Variants in RASAL2 observed in about 807,000 individuals in gnomAD.
RASAL2 encodes ras GTPase-activating protein nGAP.
In RASAL2, 58 loss-of-function variants were observed where a neutral mutation model predicts 128.9. That is an observed-to-expected ratio of 0.45 (90% CI 0.36 to 0.56). RASAL2 has a LOEUF of 0.56. Ranked by LOEUF, RASAL2 falls within the 20% of genes least tolerant of loss-of-function variation. RASAL2 has a pLI of 0.00. For missense variants in RASAL2, 1,360 were observed against 1,601.6 expected, an observed-to-expected ratio of 0.85 and a Z score of 2.57; for synonymous variants, 561 against 580.8, an observed-to-expected ratio of 0.97 and a Z score of 0.49.
chr1:178,428,868 C>G (rs528974819), intron 5 of RASAL2, among the ~76,000 whole-genome samples: 79 of 152,240 alleles, frequency 5.2e-4, no homozygotes, highest in African/African-American at 1.7e-3. Context: ...ACTTACTTCT[C>G]TCCTCATCTG....
intron 2 of RASAL2, among the ~76,000 whole-genome samples, chr1:178,292,410 G>T (rs1160880991): frequency 6.6e-6 from 1 of 152,172 alleles, no homozygotes; most frequent in Non-Finnish European, 1.5e-5. Context: ...TACATGGGAA[G>T]AGTGTTAAAT....
chr1:178,134,417 C>A (rs1054514361), intron 1 of RASAL2, among the ~76,000 whole-genome samples: 2 of 141,114 alleles, frequency 1.4e-5, no homozygotes, highest in Admixed American at 1.5e-4. Context: ...GTGATCGTGG[C>A]ATGGCACCCC....
intron 1 of RASAL2, among the ~76,000 whole-genome samples, chr1:178,230,419 T>C (rs1016206141): frequency 1.3e-5 from 2 of 152,240 alleles, no homozygotes; most frequent in Non-Finnish European, 2.9e-5. Context: ...TTACCAATCA[T>C]GAGAGTTCTG....
intron 14 of RASAL2, among the ~76,000 whole-genome samples, chr1:178,460,046 G>A (rs1678068868): frequency 6.6e-6 from 1 of 152,098 alleles, no homozygotes; most frequent in Admixed American, 6.5e-5. Flanking sequence ...TTCTAGTTGC[G>A]ATCAACTACT....
chr1:178,456,608 C>A (rs1677790739), intron 12 of RASAL2, 113 bp from the exon 13 acceptor site: 2 of 1,121,408 alleles, frequency 1.8e-6, no homozygotes, highest in Non-Finnish European at 2.7e-6. Flanking sequence ...CAAACACTTA[C>A]CCTTCCCTCC....
chr1:178,313,489 A>AT (rs567555813), intron 3 of RASAL2, among the ~76,000 whole-genome samples: 6,195 of 144,998 alleles, frequency 0.043, 160 homozygotes, highest in Non-Finnish European at 0.066. Flanking sequence ...CTGTGTGCAC[A>AT]TTTTTTTTTT....
chr1:178,336,155 A>T (rs1181025488), intron 3 of RASAL2, among the ~76,000 whole-genome samples: 1 of 150,946 alleles, frequency 6.6e-6, no homozygotes, highest in Non-Finnish European at 1.5e-5. Context: ...CTGTTTTCCT[A>T]GGAAATCGCT....
Position 178,473,166 on chromosome 1 carries a change from A to G in RASAL2, c.3770A>G (p.Asn1257Ser), listed in dbSNP as rs760484905. The G allele has an allele frequency of 2.0e-5, 32 of 1,614,104 alleles. No homozygotes were observed. Among genetic ancestry groups the G allele is most frequent in the Non-Finnish European group, 2.3e-5 (27 of 1,180,044 alleles). ...GAGCGGTACAGCATGCAGGTCCGCA[A>G]TGGCATCTCCCCCACCAACCCCACC... is the stretch of plus-strand genomic sequence containing the variant. The part of the protein sequence containing the change: ...VKERYSMQVR[N>S]GISPTNPTKL... Residue 1257 changes from asparagine (N) to serine (S), a missense_variant, in exon 18 of 18, where the codon AAT becomes AGT. Coordinates refer to ENST00000367649, the MANE Select transcript of RASAL2 (RefSeq NM_170692.4).
intron 3 of RASAL2, among the ~76,000 whole-genome samples, chr1:178,356,697 A>G (rs1309584834): frequency 6.6e-6 from 1 of 152,228 alleles, no homozygotes; most frequent in Non-Finnish European, 1.5e-5. Context: ...TACCCCGGAA[A>G]TAGGTATAGT....
At position 178,094,682 on chromosome 1, in the gene RASAL2, G is replaced by C; in HGVS notation, c.190G>C (p.Val64Leu). The C allele has an allele frequency of 6.2e-7, 1 of 1,614,118 alleles. No homozygotes were observed. Among genetic ancestry groups the C allele is most frequent in the Non-Finnish European group, 8.5e-7 (1 of 1,180,046 alleles). The change falls in exon 1 of 18, where the codon GTC (valine) becomes CTC (leucine). Residue 64 changes from valine (V) to leucine (L), a missense_variant. Around this residue, in one of 3 missense-constraint regions of RASAL2, gnomAD observed 617 missense variants for 714.2 expected, o/e 0.86. Coordinates refer to ENST00000367649, the MANE Select transcript of RASAL2 (RefSeq NM_170692.4). ...GTCCGTGTGCCAGCAACAGAGCTGG[G>C]TCCGGGTGTACGGTAAGGACCACAG... ...LESVCQQQSW[V>L]RVYDVKGPPT...
At chr1:178,431,212 A>G (rs190962029) in intron 5 of RASAL2, among the ~76,000 whole-genome samples, 10 of 152,244 alleles carry the variant, frequency 6.6e-5, no homozygotes, top group Non-Finnish European at 1.2e-4. Context: ...AAAAGAACTA[A>G]TTTACTTAAT....
chr1:178,383,393 T>C (rs895092366), intron 3 of RASAL2, among the ~76,000 whole-genome samples: 2 of 152,190 alleles, frequency 1.3e-5, no homozygotes, highest in South Asian at 2.1e-4. Context: ...AGTATCCTAC[T>C]GAAAATGGTG....
chr1:178,280,395 A>C (rs1037455471), intron 1 of RASAL2, among the ~76,000 whole-genome samples: 1 of 151,864 alleles, frequency 6.6e-6, no homozygotes, highest in Non-Finnish European at 1.5e-5. Context: ...AAAATGTGTT[A>C]CCTATGTTAA....
intron 1 of RASAL2, among the ~76,000 whole-genome samples, chr1:178,200,058 C>T (rs1276713495): frequency 6.6e-6 from 1 of 152,170 alleles, no homozygotes. Flanking sequence ...TGCAGACGGC[C>T]TATTATGGTA....
intron 1 of RASAL2, among the ~76,000 whole-genome samples, chr1:178,154,815 C>A (rs1251037043): frequency 2.6e-5 from 4 of 151,576 alleles, no homozygotes; most frequent in Admixed American, 6.6e-5. Flanking sequence ...ATAATAGATT[C>A]ATAATAATAA....
At chr1:178,443,510 C>T (rs1003106538) in intron 8 of RASAL2, among the ~76,000 whole-genome samples, 4 of 152,152 alleles carry the variant, frequency 2.6e-5, no homozygotes, top group Admixed American at 2.6e-4. Context: ...AGGATTGGCA[C>T]GATAACCCTA....
intron 4 of RASAL2, among the ~76,000 whole-genome samples, chr1:178,404,454 C>T (rs1673860321): frequency 6.6e-6 from 1 of 151,150 alleles, no homozygotes; most frequent in African/African-American, 2.4e-5. Flanking sequence ...CATCTCTGCT[C>T]ACTGCAACTT....
At chr1:178,439,372 T>C in intron 5 of RASAL2, 50 bp from the exon 6 acceptor site, 2 of 1,511,420 alleles carry the variant, frequency 1.3e-6, no homozygotes, top group Non-Finnish European at 1.8e-6. Flanking sequence ...AGACCTTCAT[T>C]TCCTTGCTGG....
At chr1:178,197,612 A>G (rs112829546) in intron 1 of RASAL2, among the ~76,000 whole-genome samples, 5,358 of 98,246 alleles carry the variant, frequency 0.055, 95 homozygotes, top group Middle Eastern at 0.12. Context: ...CCATCTGGGG[A>G]AAAAAAAAAA....
Sources: gnomAD v4.1 joint callset for allele counts (sites outside exome capture counted in the v4.1 genomes callset) on GRCh38, gnomAD v4.1.1 for gene constraint, gnomAD v4.1.1 regional missense constraint, MANE v1.5 for transcripts, NCBI Gene and HGNC (gene_info 2026-07-23, HGNC 2026-07-21) for gene names.